DCP2: variants seen among roughly 807,000 people sequenced by gnomAD.
The protein encoded by DCP2 is decapping mRNA 2.
In DCP2, 30 loss-of-function variants were observed where a neutral mutation model predicts 56.1. That is an observed-to-expected ratio of 0.53 (90% confidence interval 0.40 to 0.73). The LOEUF (loss-of-function observed/expected upper bound fraction) is 0.73, where lower values mean the gene tolerates loss of function less well. Ranked by LOEUF, DCP2 falls within the 30% of genes least tolerant of loss-of-function variation. The pLI, the probability that DCP2 is intolerant of heterozygous loss-of-function variation, is 0.00. For missense variants in DCP2, 533 were observed against 502.7 expected (o/e 1.06, Z -0.58); for synonymous variants, 197 against 163.3 (o/e 1.21, Z -1.57).
intron 4 of DCP2, among the ~76,000 whole-genome samples, chr5:112,996,307 C>T (rs1748846566): frequency 6.6e-6 from 1 of 152,142 alleles, no homozygotes; most frequent in South Asian, 2.1e-4. Flanking sequence ...TTTATTAATG[C>T]CTCGTTTTTC....
chr5:112,980,656 T>C (rs575764111), intron 1 of DCP2, among the ~76,000 whole-genome samples: 2 of 152,246 alleles, frequency 1.3e-5, no homozygotes, highest in Admixed American at 6.5e-5. Flanking sequence ...TCAGCTCTTA[T>C]AAACTTAAGT....
intron 2 of DCP2, among the ~76,000 whole-genome samples, chr5:112,989,731 G>A (rs2150174352): frequency 6.6e-6 from 1 of 152,248 alleles, no homozygotes; most frequent in Non-Finnish European, 1.5e-5. Context: ...TCCTACATTT[G>A]CTTATTTCTC....
intron 9 of DCP2, among the ~76,000 whole-genome samples, chr5:113,009,143 C>A (rs1215410501): frequency 6.6e-6 from 1 of 152,174 alleles, no homozygotes; most frequent in African/African-American, 2.4e-5. Flanking sequence ...CCGCTCCCGG[C>A]CGACAGATAA....
In DCP2 at chr5:113,013,672, TTTA is replaced by T; in HGVS notation, c.*190_*192del. 1 of 609,480 alleles carries T rather than the reference TTTA, an allele frequency of 1.6e-6. No homozygotes were observed. The highest frequency in any genetic ancestry group is 2.6e-5 in the South Asian group (1 of 38,744). The allele number at this position is 609,480 out of a possible 1,614,324, so 37.8% of individuals were successfully genotyped here. On this transcript the variant is annotated 3_prime_UTR_variant, in exon 11 of 11. Transcript: ENST00000389063. ...TGCACTGTAAATGCAGTTATAACCT[TTTA>T]TACAGATTTACCTTTTCAGTGTTCA...
At chr5:113,005,115 A>C (rs1465809650) in intron 8 of DCP2, among the ~76,000 whole-genome samples, 2 of 150,976 alleles carry the variant, frequency 1.3e-5, no homozygotes, top group African/African-American at 4.9e-5. Flanking sequence ...GGCAATAAGA[A>C]CAAAACTCTG....
chr5:113,007,887 G>A (rs1203074988), intron 8 of DCP2, 51 bp from the exon 9 acceptor site: 2 of 1,480,804 alleles, frequency 1.4e-6, no homozygotes, highest in East Asian at 4.7e-5. Flanking sequence ...TTTTTTTTGT[G>A]CTATTACATT....
chr5:113,010,180 G>T (rs1162623115), intron 9 of DCP2, among the ~76,000 whole-genome samples: 1 of 150,382 alleles, frequency 6.6e-6, no homozygotes, highest in Non-Finnish European at 1.5e-5. Context: ...CTATAGGTGC[G>T]TGGCACCACA....
intron 4 of DCP2, among the ~76,000 whole-genome samples, chr5:112,998,685 A>G (rs1253827742): frequency 2.0e-5 from 3 of 152,224 alleles, no homozygotes; most frequent in Admixed American, 2.0e-4. Flanking sequence ...GAATAGATTA[A>G]TTCAAAGAAT....
chr5:113,012,351 A>G (rs1025934943), intron 10 of DCP2, among the ~76,000 whole-genome samples: 2 of 152,224 alleles, frequency 1.3e-5, no homozygotes, highest in Non-Finnish European at 2.9e-5. Flanking sequence ...GAATGAGACC[A>G]TCTCGAAAAA....
At position 113,001,413 on chromosome 5, in the gene DCP2, C is replaced by T. The variant is rs780717459; in HGVS notation, c.642C>T (p.Pro214=). Reference sequence around the variant, plus strand: ...CTTGTCATAGAAATGATATGACCCCCAAATCCAAACTTGGTTTGGCACCTA... The same window carrying T: ...CTTGTCATAGAAATGATATGACCCCTAAATCCAAACTTGGTTTGGCACCTA... ...KLPCHRNDMT[P]KSKLGLAPNK... Residue 214 remains proline, a synonymous_variant, in exon 6 of 11, where the codon CCC becomes CCT. Transcript: ENST00000389063. 2.5e-6 allele frequency: 4 copies of T among 1,614,044 alleles called. No homozygotes were observed. The South Asian group carries it at 3.3e-5, about 13-fold the overall frequency.
At chr5:112,979,020 A>G (rs1439803965) in intron 1 of DCP2, among the ~76,000 whole-genome samples, 1 of 147,666 alleles carries the variant, frequency 6.8e-6, no homozygotes, top group Non-Finnish European at 1.5e-5. Flanking sequence ...GTCAGCTGTT[A>G]ACGATTTTAT....
At chr5:112,997,848 C>T (rs1433719948) in intron 4 of DCP2, among the ~76,000 whole-genome samples, 1 of 152,052 alleles carries the variant, frequency 6.6e-6, no homozygotes, top group Non-Finnish European at 1.5e-5. Flanking sequence ...CTCCTGACCT[C>T]GTGATCCACC....
At chr5:113,009,609 G>A (rs991982051) in intron 9 of DCP2, among the ~76,000 whole-genome samples, 1 of 152,044 alleles carries the variant, frequency 6.6e-6, no homozygotes, top group Non-Finnish European at 1.5e-5. Flanking sequence ...TCTAAAGAAT[G>A]TTCACCCCCT....
rs1580807486 is a variant in DCP2 at position 112,992,164 on chromosome 5, G to T, written c.249G>T (p.Val83=). Residue 83 remains valine (V), a synonymous_variant, in exon 3 of 11, where the codon GTG becomes GTT. Coordinates refer to ENST00000389063, the MANE Select transcript of DCP2 (RefSeq NM_152624.6). ...CPFLLPQGED[V]EKVLDEWKEY... Reference sequence around the variant, plus strand: ...TTTTGCTGCCTCAAGGTGAAGATGTGGAAAAAGTTTTGGATGAATGGAAGG... The same window carrying T: ...TTTTGCTGCCTCAAGGTGAAGATGTTGAAAAAGTTTTGGATGAATGGAAGG... 6.2e-7 allele frequency: 1 copy of T among 1,613,804 alleles called. No individual in the cohort carries two copies. The highest frequency in any genetic ancestry group is 8.5e-7 in the Non-Finnish European group (1 of 1,179,930).
intron 9 of DCP2, 48 bp from the exon 10 acceptor site, chr5:113,010,708 G>A: frequency 6.9e-7 from 1 of 1,440,606 alleles, no homozygotes; most frequent in South Asian, 1.5e-5. Flanking sequence ...AATAACTGGT[G>A]ACTGTGTTGT....
chr5:113,011,822 C>T (rs1580838083), intron 10 of DCP2, among the ~76,000 whole-genome samples: 1 of 152,062 alleles, frequency 6.6e-6, no homozygotes, highest in South Asian at 2.1e-4. Context: ...CTGTTTTCTT[C>T]TAGGAATGCT....
At chr5:113,000,420 A>ACACACACACCCACACACACC (rs112449298) in intron 4 of DCP2, among the ~76,000 whole-genome samples, 1 of 146,652 alleles carries the variant, frequency 6.8e-6, no homozygotes, top group African/African-American at 2.5e-5. Flanking sequence ...ACACACACAC[A>ACACACACACCCACACACACC]CACACCCACA....
chr5:112,993,187 C>A (rs991393776), intron 4 of DCP2, among the ~76,000 whole-genome samples: 5 of 152,206 alleles, frequency 3.3e-5, no homozygotes, highest in Non-Finnish European at 5.9e-5. Context: ...AGGCTTTCCA[C>A]TGCCTATAGG....
Position 113,004,018 on chromosome 5 carries a change from C to A in DCP2, c.883C>A (p.Pro295Thr). ...TGACCAGTGGGTAAAGCACAGGCAA[C>A]CACTGCAGCAAAAGCCATATAATAA... ...PGDQWVKHRQPLQQKPYNNHS... is the reference protein window; with the variant it reads ...PGDQWVKHRQTLQQKPYNNHS... The change falls in exon 8 of 11, where the codon CCA becomes ACA. Residue 295 changes from proline (P) to threonine (T), a missense_variant. Around this residue, in one of 3 missense-constraint regions of DCP2, gnomAD observed 392 missense variants for 346.6 expected, o/e 1.13. Coordinates refer to ENST00000389063, the MANE Select transcript of DCP2 (RefSeq NM_152624.6). The A allele has an allele frequency of 6.2e-7, 1 of 1,614,070 alleles. No individual in the cohort carries two copies. The highest frequency in any genetic ancestry group is 1.1e-5 in the South Asian group (1 of 91,080).
Sources: allele counts gnomAD v4.1 joint callset (sites outside exome capture counted in the v4.1 genomes callset), GRCh38; gene constraint gnomAD v4.1.1; regional missense constraint gnomAD v4.1.1; transcripts MANE v1.5; gene names NCBI Gene and HGNC (gene_info 2026-07-23, HGNC 2026-07-21).